The following SP140L variants were observed in gnomAD, a reference collection of about 807,000 sequenced individuals.
SP140L encodes SP140 like nuclear body protein, also known as nuclear body protein SP140-like protein.
SP140L carries 64 observed loss-of-function variants against 84.3 expected under a neutral mutation model. The ratio of observed to expected loss-of-function variants is 0.76; its 90% CI spans 0.62 to 0.94. SP140L has a LOEUF of 0.94. SP140L is among the 40% of genes least tolerant of loss of function. The pLI is 0.00. For missense variants in SP140L, 628 were observed against 692.5 expected (o/e 0.91, Z 1.05); for synonymous variants, 242 against 236.9 (o/e 1.02, Z -0.20).
chr2:230,330,100 C>T (rs2059686651), intron 2 of SP140L, among the ~76,000 whole-genome samples: 2 of 152,076 alleles, frequency 1.3e-5, no homozygotes, highest in African/African-American at 2.4e-5. Flanking sequence ...TGGGCAGGCT[C>T]GACCAGGGCA....
In SP140L at chr2:230,329,865, G is replaced by A. The variant is rs548519366; in HGVS notation, c.107+1034G>A. ...AATTTCCAATTTAAAAAAATTGATC[G>A]TGTTTATTTTTGAGGAGGGATCTTA... On this transcript the variant is annotated intron_variant, in intron 2 of 18. Coordinates refer to ENST00000415673, the MANE Select transcript of SP140L (RefSeq NM_138402.6). Among the ~76,000 whole-genome samples the A allele has an allele frequency of 1.1e-3, 171 of 152,158 alleles. 1 individual carries two copies. The highest frequency in any genetic ancestry group is 7.7e-4 in the East Asian group (4 of 5,186).
chr2:230,358,049 A>G (rs1051883070), intron 3 of SP140L, 82 bp downstream of exon 3: 2 of 1,512,820 alleles, frequency 1.3e-6, no homozygotes, highest in African/African-American at 2.8e-5. Flanking sequence ...GTAAAGTAGA[A>G]AAGGAGAGGA....
At chr2:230,343,128 G>A (rs2060108993) in intron 2 of SP140L, among the ~76,000 whole-genome samples, 1 of 117,852 alleles carries the variant, frequency 8.5e-6, no homozygotes, top group Non-Finnish European at 1.9e-5. Context: ...TGTGCAGGAT[G>A]TGCAGGTTTG....
chr2:230,394,774 GT>G (rs1024596436), intron 13 of SP140L, among the ~76,000 whole-genome samples: 67 of 152,264 alleles, frequency 4.4e-4, no homozygotes, highest in African/African-American at 1.6e-3. Flanking sequence ...AACTCCATGG[GT>G]CCTCTGTGCC....
At chr2:230,369,864 C>T (rs1323678379) in intron 5 of SP140L, among the ~76,000 whole-genome samples, 1 of 152,238 alleles carries the variant, frequency 6.6e-6, no homozygotes, top group East Asian at 1.9e-4. Context: ...GCCTCTGCCT[C>T]CTGGGTTCAA....
At chr2:230,369,337 C>T (rs1466996891) in intron 5 of SP140L, among the ~76,000 whole-genome samples, 3 of 151,892 alleles carry the variant, frequency 2.0e-5, no homozygotes, top group South Asian at 2.1e-4. Flanking sequence ...AGACTGAAGG[C>T]CAGAGCCACT....
At chr2:230,397,207 CA>C (rs1239486650) in intron 14 of SP140L, among the ~76,000 whole-genome samples, 1 of 152,094 alleles carries the variant, frequency 6.6e-6, no homozygotes, top group Non-Finnish European at 1.5e-5. Flanking sequence ...GGGAAAATCC[CA>C]AAAATGCACT....
rs1314642600 is a variant in SP140L, at chr2:230,385,315, G to C, written c.784+11G>C. The stretch of plus-strand genomic sequence containing the variant: ...TTTCCAAGATTAGGGGTAAGATAAA[G>C]TTGGTACCACTTTTCATTTGCCCTG... On this transcript the variant is annotated intron_variant, in intron 9 of 18. Coordinates refer to ENST00000415673, the MANE Select transcript of SP140L (RefSeq NM_138402.6). The C allele has an allele frequency of 1.2e-6, 2 of 1,612,996 alleles. No individual in the cohort carries two copies. The highest frequency in any genetic ancestry group is 1.7e-6 in the Non-Finnish European group (2 of 1,179,214).
intron 14 of SP140L, among the ~76,000 whole-genome samples, chr2:230,398,894 C>T (rs576043487): frequency 2.0e-5 from 3 of 152,250 alleles, no homozygotes; most frequent in African/African-American, 7.2e-5. Context: ...CCATGGCTGG[C>T]AGGGAAATGA....
chr2:230,337,864 T>C (rs969028121), intron 2 of SP140L, among the ~76,000 whole-genome samples: 9 of 152,256 alleles, frequency 5.9e-5, no homozygotes, highest in Non-Finnish European at 1.0e-4. Context: ...ATCTCCGTTT[T>C]GGTACCAGTA....
chr2:230,357,706 G>A, intron 2 of SP140L, 99 bp from the exon 3 acceptor site: 1 of 1,197,248 alleles, frequency 8.4e-7, no homozygotes, highest in Non-Finnish European at 1.2e-6. Flanking sequence ...TATATATGTT[G>A]GTTCTTCATA....
intron 4 of SP140L, among the ~76,000 whole-genome samples, chr2:230,360,955 A>T (rs2060695956): frequency 6.6e-6 from 1 of 152,054 alleles, no homozygotes; most frequent in African/African-American, 2.4e-5. Flanking sequence ...TTATTTAGGC[A>T]TGTTTTTGGA....
chr2:230,334,424 A>G (rs2059809721), intron 2 of SP140L, among the ~76,000 whole-genome samples: 1 of 152,122 alleles, frequency 6.6e-6, no homozygotes, highest in African/African-American at 2.4e-5. Flanking sequence ...AGGTGGTTTC[A>G]TGGGATTTCA....
At chr2:230,368,494 T>C (rs1305301870) in intron 5 of SP140L, among the ~76,000 whole-genome samples, 1 of 152,202 alleles carries the variant, frequency 6.6e-6, no homozygotes, top group African/African-American at 2.4e-5. Flanking sequence ...ATTTATGTTT[T>C]TCATCAGATT....
At chr2:230,359,657 A>G (rs550275480) in intron 4 of SP140L, among the ~76,000 whole-genome samples, 1 of 152,190 alleles carries the variant, frequency 6.6e-6, no homozygotes, top group Non-Finnish European at 1.5e-5. Flanking sequence ...GACCACAATT[A>G]TTCTTTCCCT....
chr2:230,355,927 A>G (rs889233955), intron 2 of SP140L, among the ~76,000 whole-genome samples: 1 of 152,148 alleles, frequency 6.6e-6, no homozygotes, highest in African/African-American at 2.4e-5. Flanking sequence ...TAAATCAGAC[A>G]AAACACTTCT....
chr2:230,358,945 C>T lies in SP140L; in HGVS notation c.271-19C>T, dbSNP rs774318187. 9.1e-6 allele frequency: 14 copies of T among 1,543,982 alleles called. No homozygotes were observed. Among genetic ancestry groups the T allele is most frequent in the African/African-American group, 2.8e-5 (2 of 71,180 alleles). On this transcript the variant is annotated intron_variant, in intron 3 of 18. Transcript: ENST00000415673. Reference sequence around the variant, plus strand: ...TTGAAAGTCTGTATTTGTATTTTCTCCATTCAATATTTTTAAAGGATTCTG... The same window carrying T: ...TTGAAAGTCTGTATTTGTATTTTCTTCATTCAATATTTTTAAAGGATTCTG...
chr2:230,393,426 C>G lies in SP140L; in HGVS notation c.1120C>G (p.Pro374Ala). Residue 374 changes from proline (P) to alanine (A), a missense_variant, in exon 13 of 19, where the codon CCT becomes GCT. Pro to Ala is a conservative substitution (Grantham distance 27, BLOSUM62 -1). Around this residue, in one of 4 missense-constraint regions of SP140L, gnomAD observed 525 missense variants for 518.4 expected, o/e 1.01. Transcript: ENST00000415673. ...TTTTATCTTTCAGGAAGGATCTCTA[C>G]CTAATCCTCCAAGAATATATTACAG... Reference protein sequence around the residue: ...LRRLMEEGSLPNPPRIYYRNK... With the variant: ...LRRLMEEGSLANPPRIYYRNK... 1.3e-6 allele frequency: 2 copies of G among 1,585,656 alleles called. No individual in the cohort carries two copies. Among genetic ancestry groups the G allele is most frequent in the African/African-American group, 2.7e-5 (2 of 73,524 alleles).
chr2:230,354,921 GAAAGAAAA>G (rs1390547172), intron 2 of SP140L, among the ~76,000 whole-genome samples: 13 of 110,592 alleles, frequency 1.2e-4, no homozygotes, highest in African/African-American at 3.9e-4. Context: ...GAAAGAAAAA[GAAAGAAAA>G]AAGAAAAAGA....
Sources: gnomAD v4.1 joint callset for allele counts (sites outside exome capture counted in the v4.1 genomes callset) on GRCh38, gnomAD v4.1.1 for gene constraint, gnomAD v4.1.1 regional missense constraint, MANE v1.5 for transcripts, NCBI Gene and HGNC (gene_info 2026-07-23, HGNC 2026-07-21) for gene names.